Variants in FMN1 observed in about 807,000 individuals in gnomAD.
The protein encoded by FMN1 is formin-1.
FMN1 carries 110 observed loss-of-function variants against 132.4 expected under a neutral mutation model. The observed-to-expected ratio is 0.83, with a 90% CI of 0.71 to 0.97. The LOEUF is 0.97. Among genes scored for constraint, FMN1 ranks in the 50% least tolerant of loss-of-function variants. The probability of loss-of-function intolerance (pLI) is 0.00; values close to 1 mark genes in which losing one functional copy is unlikely to be tolerated. For missense variants in FMN1, 1,792 were observed against 1,705.3 expected (o/e 1.05, Z -0.90); for synonymous variants, 722 against 651.7 (o/e 1.11, Z -1.64).
chr15:32,881,737 C>T (rs1364167555), intron 16 of FMN1, among the ~76,000 whole-genome samples: 2 of 152,072 alleles, frequency 1.3e-5, no homozygotes, highest in South Asian at 4.2e-4. Flanking sequence ...TGGCAGAGGT[C>T]ATTCGTTTTG....
intron 17 of FMN1, among the ~76,000 whole-genome samples, chr15:32,813,850 T>G (rs2057969544): frequency 6.6e-6 from 1 of 152,184 alleles, no homozygotes; most frequent in African/African-American, 2.4e-5. Flanking sequence ...ATTTAATAAT[T>G]TTGGCTAATA....
At chr15:33,164,334 G>A (rs1965013280) in intron 3 of FMN1, among the ~76,000 whole-genome samples, 1 of 152,136 alleles carries the variant, frequency 6.6e-6, no homozygotes, top group Admixed American at 6.5e-5. Flanking sequence ...ACCAGCATAA[G>A]CTATGTCTTA....
At chr15:33,024,007 A>G (rs1297467237) in intron 6 of FMN1, among the ~76,000 whole-genome samples, 1 of 152,152 alleles carries the variant, frequency 6.6e-6, no homozygotes, top group Non-Finnish European at 1.5e-5. Context: ...TGCAAAGCAT[A>G]TAACCAATAA....
chr15:33,121,685 T>C (rs1357457875), intron 4 of FMN1, among the ~76,000 whole-genome samples: 1 of 122,196 alleles, frequency 8.2e-6, no homozygotes, highest in Non-Finnish European at 1.5e-5. Context: ...TCAGCCACCA[T>C]GCCCAGCTTC....
intron 6 of FMN1, chr15:33,012,618 C>A: frequency 1.0e-6 from 1 of 986,342 alleles, no homozygotes; most frequent in East Asian, 2.4e-5. Context: ...AGAAATACCA[C>A]ACTGCAAATG....
chr15:33,125,971 G>A (rs1442348817), intron 4 of FMN1, among the ~76,000 whole-genome samples: 1 of 150,634 alleles, frequency 6.6e-6, no homozygotes, highest in African/African-American at 2.5e-5. Context: ...TGTGCAGTAA[G>A]TCACTAAGTT....
Position 32,888,293 on chromosome 15 carries a change from C to G in FMN1, c.3715-1G>C, listed in dbSNP as rs374536143. 1 of 1,607,014 alleles carries G rather than the reference C, an allele frequency of 6.2e-7. No individual in the cohort carries two copies. The highest frequency in any genetic ancestry group is 2.2e-5 in the East Asian group (1 of 44,804). On this transcript the variant is annotated splice_acceptor_variant, in intron 15 of 20. Transcript: ENST00000616417. LOFTEE classifies it high-confidence loss of function. ...AAACACTCTTTTCTGTTCCAGCTTC[C>G]TAAGAGATATGGTAAACAAAAGTAC... is the stretch of plus-strand genomic sequence containing the variant.
At position 32,870,075 on chromosome 15, in the gene FMN1, G is replaced by A. The variant is rs940851620; in HGVS notation, c.3836-12968C>T. On this transcript the variant is annotated intron_variant, in intron 16 of 20. Transcript: ENST00000616417. ...TGGTCAAGTGCTAAAGATCAAATGA[G>A]GCCATGGAAGTGTTGTTTTCTTGGT... Among the ~76,000 whole-genome samples, 4 of 152,276 alleles carry A rather than the reference G, an allele frequency of 2.6e-5. No individual in the cohort carries two copies. In the East Asian group the frequency reaches 5.8e-4, roughly 22 times the overall value.
intron 5 of FMN1, among the ~76,000 whole-genome samples, chr15:33,069,092 C>G (rs551815945): frequency 1.4e-4 from 22 of 152,328 alleles, no homozygotes; most frequent in African/African-American, 5.1e-4. Context: ...GGCAAAACAT[C>G]TGAAAAGTCT....
At chr15:33,023,072 A>AG (rs1566837604) in intron 6 of FMN1, among the ~76,000 whole-genome samples, 15 of 78,170 alleles carry the variant, frequency 1.9e-4, no homozygotes, top group Middle Eastern at 5.7e-3. Flanking sequence ...AAAAAAAAAA[A>AG]AAAAAGAAAA....
intron 15 of FMN1, among the ~76,000 whole-genome samples, chr15:32,890,076 T>C (rs1217140312): frequency 6.6e-6 from 1 of 152,238 alleles, no homozygotes; most frequent in Non-Finnish European, 1.5e-5. Context: ...TCCAATCTCA[T>C]CCGGGTCGCC....
chr15:32,988,343 T>G (rs987589757), intron 7 of FMN1, among the ~76,000 whole-genome samples: 2 of 152,194 alleles, frequency 1.3e-5, no homozygotes. Flanking sequence ...AATTTGAAAT[T>G]GAGCAAAGTA....
intron 6 of FMN1, among the ~76,000 whole-genome samples, chr15:33,054,664 T>G (rs1312359001): frequency 6.6e-6 from 1 of 152,122 alleles, no homozygotes; most frequent in African/African-American, 2.4e-5. Flanking sequence ...ACTAAACACT[T>G]TGCAAACATC....
At chr15:32,838,430 G>A (rs1458065422) in intron 17 of FMN1, among the ~76,000 whole-genome samples, 2 of 151,802 alleles carry the variant, frequency 1.3e-5, no homozygotes, top group Admixed American at 1.3e-4. Context: ...AGATTGAAGG[G>A]ACCCTCTTGG....
intron 17 of FMN1, among the ~76,000 whole-genome samples, chr15:32,812,397 T>C (rs1049386438): frequency 4.6e-5 from 7 of 152,240 alleles, no homozygotes; most frequent in African/African-American, 7.2e-5. Flanking sequence ...ATTTCAATTT[T>C]TGTCCCCCAC....
At position 32,996,485 on chromosome 15, in the gene FMN1, G is replaced by T. The variant is rs148986153; in HGVS notation, c.2223+11529C>A. Among the ~76,000 whole-genome samples the T allele has an allele frequency of 1.8e-3, 273 of 152,274 alleles. 1 individual carries two copies. The highest frequency in any genetic ancestry group is 6.8e-3 in the Middle Eastern group (2 of 294). ...AGGCAAAGGTCAATCCAGAATCAAA[G>T]TCACATCAGGAATATTCTCACTAGG... On this transcript the variant is annotated intron_variant, in intron 7 of 20. Transcript: ENST00000616417.
At chr15:33,099,484 G>C (rs930861843) in intron 4 of FMN1, among the ~76,000 whole-genome samples, 2 of 151,914 alleles carry the variant, frequency 1.3e-5, no homozygotes, top group Admixed American at 6.5e-5. Context: ...AATGTGATGT[G>C]CCAGTATAAT....
chr15:32,879,739 G>A (rs922167812), intron 16 of FMN1, among the ~76,000 whole-genome samples: 1 of 152,036 alleles, frequency 6.6e-6, no homozygotes. Flanking sequence ...GTGATAAGAG[G>A]CAGAATTAAC....
chr15:32,810,282 C>T (rs2057828595), intron 17 of FMN1, among the ~76,000 whole-genome samples: 2 of 152,154 alleles, frequency 1.3e-5, no homozygotes, highest in East Asian at 1.9e-4. Flanking sequence ...GAACACAGTC[C>T]CTACTCATTA....
Sources: allele counts gnomAD v4.1 joint callset (sites outside exome capture counted in the v4.1 genomes callset), GRCh38; gene constraint gnomAD v4.1.1; transcripts MANE v1.5; gene names NCBI Gene and HGNC (gene_info 2026-07-23, HGNC 2026-07-21).